Variants in GARIN5A observed in about 807,000 individuals in gnomAD.
GARIN5A encodes the protein Golgi-associated RAB2 interactor protein 5A.
the GARIN5A span, chr19:50,476,418 G>A: frequency 9.1e-6 from 14 of 1,546,094 alleles, no homozygotes; most frequent in Non-Finnish European, 1.2e-5. Context: ...AGGTGCGGAC[G>A]GGTGCCAGTG....
chr19:50,472,482 G>A, the GARIN5A span, among the ~76,000 whole-genome samples: 3 of 152,008 alleles, frequency 2.0e-5, no homozygotes, highest in Non-Finnish European at 4.4e-5. Context: ...GGGTTTTAGG[G>A]TGCCAAAGGA....
At chr19:50,471,679 T>TGCACGTGTGTGTATACGCATACAC in the GARIN5A span, among the ~76,000 whole-genome samples, 2 of 141,104 alleles carry the variant, frequency 1.4e-5, no homozygotes, top group African/African-American at 3.2e-5. Flanking sequence ...TACGCATACA[T>TGCACGTGTGTGTATACGCATACAC]GCACGTGTGT....
At chr19:50,471,806 GCATA>G in the GARIN5A span, among the ~76,000 whole-genome samples, 2 of 148,162 alleles carry the variant, frequency 1.3e-5, no homozygotes, top group East Asian at 4.1e-4. Context: ...ATGTGTATAC[GCATA>G]CATACCTGTG....
the GARIN5A span, among the ~76,000 whole-genome samples, chr19:50,472,175 T>C: frequency 2.7e-5 from 4 of 146,524 alleles, no homozygotes; most frequent in South Asian, 2.1e-4. Flanking sequence ...TACGTGTGTA[T>C]ATGTATGTAT....
chr19:50,467,340 C>G, the GARIN5A span, among the ~76,000 whole-genome samples: 1 of 152,046 alleles, frequency 6.6e-6, no homozygotes, highest in East Asian at 1.9e-4. Context: ...CTTCTACCCA[C>G]AGACCCCCAT....
At chr19:50,468,855 C>G in the GARIN5A span, among the ~76,000 whole-genome samples, 7 of 152,182 alleles carry the variant, frequency 4.6e-5, no homozygotes, top group African/African-American at 1.7e-4. Flanking sequence ...ATCCTCTCGT[C>G]TCTCAAAGTG....
chr19:50,475,619 G>T, the GARIN5A span: 1 of 743,840 alleles, frequency 1.3e-6, no homozygotes, highest in Non-Finnish European at 2.2e-6. Flanking sequence ...AATCATATGG[G>T]TGTGAAGTCA....
chr19:50,468,418 G>A, the GARIN5A span, among the ~76,000 whole-genome samples: 1 of 145,596 alleles, frequency 6.9e-6, no homozygotes, highest in African/African-American at 2.5e-5. Context: ...TCTACCATCC[G>A]ACTCATAACA....
chr19:50,471,955 T>TATGTGTGTAAGTATATATAC, the GARIN5A span, among the ~76,000 whole-genome samples: 12 of 145,342 alleles, frequency 8.3e-5, no homozygotes, highest in African/African-American at 3.2e-4. Flanking sequence ...TATATACATG[T>TATGTGTGTAAGTATATATAC]ATGTATGTAT....
At chr19:50,476,759 A>C in the GARIN5A span, 1 of 742,170 alleles carries the variant, frequency 1.3e-6, no homozygotes, top group East Asian at 3.2e-5. Context: ...CGCAGGGCTG[A>C]GAGGGAAGAG....
At chr19:50,471,803 T>C in the GARIN5A span, among the ~76,000 whole-genome samples, 15 of 150,528 alleles carry the variant, frequency 1.0e-4, no homozygotes, top group African/African-American at 3.0e-4. Context: ...TGCATGTGTA[T>C]ACGCATACAT....
chr19:50,470,787 T>G, the GARIN5A span, among the ~76,000 whole-genome samples: 1 of 151,148 alleles, frequency 6.6e-6, no homozygotes. Context: ...CCCGAGTAGC[T>G]GGGATTACAG....
the GARIN5A span, among the ~76,000 whole-genome samples, chr19:50,467,309 A>AG: frequency 4.6e-5 from 7 of 151,950 alleles, no homozygotes; most frequent in Non-Finnish European, 8.8e-5. Context: ...AGGGGTGCCA[A>AG]GGCCCTGGAG....
the GARIN5A span, among the ~76,000 whole-genome samples, chr19:50,469,936 A>G: frequency 6.6e-6 from 1 of 152,154 alleles, no homozygotes; most frequent in Non-Finnish European, 1.5e-5. Context: ...ACATTTGTGG[A>G]GCACTTACTC....
At chr19:50,471,958 G>T in the GARIN5A span, among the ~76,000 whole-genome samples, 5 of 150,866 alleles carry the variant, frequency 3.3e-5, no homozygotes, top group Admixed American at 3.3e-4. Context: ...ATACATGTAT[G>T]TATGTATATA....
At chr19:50,472,090 A>ACGTG in the GARIN5A span, among the ~76,000 whole-genome samples, 32 of 113,324 alleles carry the variant, frequency 2.8e-4, no homozygotes, top group East Asian at 4.7e-3. Flanking sequence ...ATGTGTGTAT[A>ACGTG]TGTATATGTA....
chr19:50,471,468 C>T, the GARIN5A span, among the ~76,000 whole-genome samples: 1 of 151,232 alleles, frequency 6.6e-6, no homozygotes, highest in Non-Finnish European at 1.5e-5. Context: ...AGGGTCTCAC[C>T]ATGTTGGCCA....
At chr19:50,471,927 CATGT>C in the GARIN5A span, among the ~76,000 whole-genome samples, 20 of 149,664 alleles carry the variant, frequency 1.3e-4, no homozygotes, top group East Asian at 7.9e-4. Flanking sequence ...TGTGTATATA[CATGT>C]ATGTGTGTAA....
chr19:50,471,568 C>T, the GARIN5A span, among the ~76,000 whole-genome samples: 1 of 152,142 alleles, frequency 6.6e-6, no homozygotes, highest in African/African-American at 2.4e-5. Flanking sequence ...TCACACCCAG[C>T]CTCTACTGCT....
Sources: gnomAD v4.1 joint callset for allele counts (sites outside exome capture counted in the v4.1 genomes callset) on GRCh38, gnomAD v4.1.1 for gene constraint, MANE v1.5 for transcripts, NCBI Gene and HGNC (gene_info 2026-07-23, HGNC 2026-07-21) for gene names.